Variants in DNAH14 observed in about 807,000 individuals in gnomAD.
DNAH14 encodes the protein axonemal beta dynein heavy chain 14.
DNAH14 carries 478 observed loss-of-function variants against 520.9 expected under a neutral mutation model. The observed-to-expected ratio is 0.92, with a 90% confidence interval of 0.85 to 0.99. The LOEUF is 0.99. DNAH14 is among the 50% of genes least tolerant of loss of function. DNAH14 has a pLI of 0.00. For synonymous variants in DNAH14, 1,581 were observed against 1,757.2 expected, an observed-to-expected ratio of 0.90 and a Z score of 2.51; for missense variants, 4,831 against 5,234.5, an observed-to-expected ratio of 0.92 and a Z score of 2.38.
chr1:225,388,032 A>T (rs1272235326), intron 81 of DNAH14, among the ~76,000 whole-genome samples: 1 of 152,122 alleles, frequency 6.6e-6, no homozygotes, highest in Non-Finnish European at 1.5e-5. Context: ...GTATAGGGGA[A>T]GGTCAGGAAG....
chr1:225,330,262 A>G (rs1451101889), intron 64 of DNAH14, among the ~76,000 whole-genome samples: 2 of 152,200 alleles, frequency 1.3e-5, no homozygotes, highest in Non-Finnish European at 2.9e-5. Flanking sequence ...TCAAAAAACT[A>G]AAAATAGAGC....
chr1:225,155,684 A>G (rs969396676), intron 34 of DNAH14, among the ~76,000 whole-genome samples: 1 of 152,180 alleles, frequency 6.6e-6, no homozygotes, highest in Non-Finnish European at 1.5e-5. Context: ...TAAAGTTTGC[A>G]TGGGCACCCT....
At chr1:224,996,862 T>C (rs2063425948) in intron 8 of DNAH14, among the ~76,000 whole-genome samples, 1 of 152,168 alleles carries the variant, frequency 6.6e-6, no homozygotes, top group Admixed American at 6.6e-5. Flanking sequence ...GGGTGGGCTT[T>C]GAGCCTGAAC....
chr1:225,086,688 G>C (rs897008730), intron 21 of DNAH14, among the ~76,000 whole-genome samples: 2 of 151,862 alleles, frequency 1.3e-5, no homozygotes, highest in Admixed American at 6.6e-5. Flanking sequence ...AAACCAAATG[G>C]ACTTTATTCT....
Position 225,346,575 on chromosome 1 carries a change from A to C in DNAH14, c.11217A>C (p.Pro3739=), listed in dbSNP as rs896288647. The stretch of plus-strand genomic sequence containing the variant: ...TACAGGATGACATTGGATTCCTACC[A>C]GAAGAAGAATGGAACATCTTTTTAT... The part of the protein sequence containing the change: ...NLIQDDIGFL[P]EEEWNIFLYS... The change falls in exon 71 of 86, where the codon CCA becomes CCC. Residue 3739 remains proline, a synonymous_variant. Coordinates refer to ENST00000682510, the MANE Select transcript of DNAH14 (RefSeq NM_001367479.1). 1 of 1,550,930 alleles carries C rather than the reference A, an allele frequency of 6.4e-7. No homozygotes were observed. The highest frequency in any genetic ancestry group is 2.0e-5 in the Admixed American group (1 of 50,976).
At chr1:225,028,234 C>G (rs1285838752) in intron 11 of DNAH14, among the ~76,000 whole-genome samples, 4 of 151,894 alleles carry the variant, frequency 2.6e-5, no homozygotes, top group Admixed American at 2.0e-4. Flanking sequence ...TTAAAAGATT[C>G]ATCTGTGAAG....
intron 35 of DNAH14, 51 bp from the exon 36 acceptor site, chr1:225,167,888 A>G: frequency 9.4e-7 from 1 of 1,059,430 alleles, no homozygotes; most frequent in South Asian, 1.7e-5. Context: ...ATAAAAATTT[A>G]AGAGTTTCAT....
chr1:225,192,191 C>T (rs745762431), intron 37 of DNAH14, among the ~76,000 whole-genome samples: 4 of 152,080 alleles, frequency 2.6e-5, no homozygotes, highest in Admixed American at 2.6e-4. Context: ...TACCTGTAAT[C>T]TCTTGCCCTA....
chr1:225,280,280 C>G (rs939640008), intron 54 of DNAH14, among the ~76,000 whole-genome samples: 23 of 152,074 alleles, frequency 1.5e-4, no homozygotes, highest in Non-Finnish European at 2.9e-4. Context: ...AAATAATGCC[C>G]CAATACATTA....
chr1:225,096,781 T>C (rs3128664), intron 21 of DNAH14, among the ~76,000 whole-genome samples: 48,951 of 152,094 alleles, frequency 0.32, 13,850 homozygotes, highest in African/African-American at 0.76. Flanking sequence ...ATATCACATT[T>C]CTGGTTATGT....
intron 11 of DNAH14, among the ~76,000 whole-genome samples, chr1:225,033,443 G>C (rs1255050298): frequency 6.6e-6 from 1 of 152,110 alleles, no homozygotes; most frequent in Non-Finnish European, 1.5e-5. Flanking sequence ...CTATGTGCCT[G>C]TTTTTGCACC....
Position 225,140,965 on chromosome 1 carries a change from A to C in DNAH14, c.4452A>C (p.Ile1484=). 4 of 1,551,156 alleles carry C rather than the reference A, an allele frequency of 2.6e-6. No homozygotes were observed. The highest frequency in any genetic ancestry group is 3.5e-6 in the Non-Finnish European group (4 of 1,146,776). Residue 1484 remains isoleucine (I), a synonymous_variant, in exon 28 of 86, where the codon ATA becomes ATC. Transcript: ENST00000682510. Reference sequence around the variant, plus strand: ...TCCTTTATGTTCACTGCAGAGATATAGTGATAAATTTACTACTTAAAAATA... The same window carrying C: ...TCCTTTATGTTCACTGCAGAGATATCGTGATAAATTTACTACTTAAAAATA... The part of the protein sequence containing the change: ...LLILYVHCRD[I]VINLLLKNIF...
intron 44 of DNAH14, among the ~76,000 whole-genome samples, chr1:225,256,419 G>T (rs2092736316): frequency 1.3e-5 from 2 of 152,058 alleles, no homozygotes; most frequent in South Asian, 2.1e-4. Flanking sequence ...GTCAACTGCG[G>T]CAGGATTGGG....
chr1:225,360,212 A>ATATATGCACCACATTTTCTTTATCTAGTC (rs879923943), intron 74 of DNAH14, among the ~76,000 whole-genome samples: 1 of 152,182 alleles, frequency 6.6e-6, no homozygotes, highest in Non-Finnish European at 1.5e-5. Flanking sequence ...GTTCAATGGT[A>ATATATGCACCACATTTTCTTTATCTAGTC]TATATGCACC....
At chr1:225,190,864 C>T (rs2085335269) in intron 37 of DNAH14, among the ~76,000 whole-genome samples, 1 of 151,942 alleles carries the variant, frequency 6.6e-6, no homozygotes, top group South Asian at 2.1e-4. Flanking sequence ...GTTACCCAGA[C>T]TGTGGTATTT....
intron 1 of DNAH14, among the ~76,000 whole-genome samples, chr1:224,931,561 C>T (rs938148582): frequency 1.3e-5 from 2 of 152,194 alleles, no homozygotes; most frequent in African/African-American, 2.4e-5. Flanking sequence ...AAGCCCACTT[C>T]TGTTCATCCT....
At chr1:224,967,392 A>G (rs761024332) in intron 5 of DNAH14, 39 bp from the exon 6 acceptor site, 6 of 1,440,314 alleles carry the variant, frequency 4.2e-6, no homozygotes, top group East Asian at 2.5e-5. Context: ...ATTTAGTCAA[A>G]TTAATTAAAT....
At chr1:225,180,044 C>T (rs2083789270) in intron 36 of DNAH14, among the ~76,000 whole-genome samples, 1 of 152,112 alleles carries the variant, frequency 6.6e-6, no homozygotes, top group Admixed American at 6.5e-5. Context: ...AGGATCCTCT[C>T]CTGTCCTTGA....
At chr1:224,988,184 T>C (rs77731747) in intron 8 of DNAH14, among the ~76,000 whole-genome samples, 39,718 of 151,986 alleles carry the variant, frequency 0.26, 8,076 homozygotes, top group African/African-American at 0.56. Flanking sequence ...AGTTTGCTGA[T>C]GATAATGGTT....
Sources: allele counts gnomAD v4.1 joint callset (sites outside exome capture counted in the v4.1 genomes callset), GRCh38; gene constraint gnomAD v4.1.1; transcripts MANE v1.5; gene names NCBI Gene and HGNC (gene_info 2026-07-23, HGNC 2026-07-21).